ADARB2: variants seen among roughly 807,000 people sequenced by gnomAD.
ADARB2 encodes the protein adenosine deaminase RNA specific B2 (inactive).
ADARB2 carries 25 observed loss-of-function variants against 62.2 expected under a neutral mutation model. That is an observed-to-expected ratio of 0.40 (90% CI 0.29 to 0.56). The LOEUF (loss-of-function observed/expected upper bound fraction) is 0.56, where lower values mean the gene tolerates loss of function less well. Among genes scored for constraint, ADARB2 ranks in the 20% least tolerant of loss-of-function variants. The pLI, the probability that ADARB2 is intolerant of heterozygous loss-of-function variation, is 0.43. For synonymous variants in ADARB2, 572 were observed against 500.8 expected (o/e 1.14, Z -1.90); for missense variants, 1,071 against 1,077.4 (o/e 0.99, Z 0.08).
At chr10:1,197,088 T>C (rs1466015945) in intron 8 of ADARB2, among the ~76,000 whole-genome samples, 1 of 152,264 alleles carries the variant, frequency 6.6e-6, no homozygotes, top group African/African-American at 2.4e-5. Context: ...TACTCCAAAA[T>C]AGACCTCTGT....
At chr10:1,315,711 A>C (rs1225997977) in intron 3 of ADARB2, among the ~76,000 whole-genome samples, 1 of 152,136 alleles carries the variant, frequency 6.6e-6, no homozygotes, top group Non-Finnish European at 1.5e-5. Context: ...CAGCATCTCA[A>C]ATATTTACCA....
At chr10:1,526,491 T>G (rs749260403) in intron 1 of ADARB2, 4 of 160,488 alleles carry the variant, frequency 2.5e-5, no homozygotes, top group Non-Finnish European at 5.5e-5. Context: ...GCTGTCCTCC[T>G]GGTTATGAAT....
intron 8 of ADARB2, among the ~76,000 whole-genome samples, chr10:1,190,933 G>A (rs1452547542): frequency 6.6e-6 from 1 of 152,226 alleles, no homozygotes; most frequent in Non-Finnish European, 1.5e-5. Flanking sequence ...GTCTAAGGAC[G>A]GAGTGAGCAG....
chr10:1,188,405 C>T (rs1469726015), intron 8 of ADARB2, among the ~76,000 whole-genome samples: 2 of 152,192 alleles, frequency 1.3e-5, no homozygotes, highest in Admixed American at 1.3e-4. Flanking sequence ...AGGAACCGAC[C>T]AACAAGCAAA....
chr10:1,280,783 G>A (rs991119399), intron 3 of ADARB2, among the ~76,000 whole-genome samples: 2 of 151,954 alleles, frequency 1.3e-5, no homozygotes, highest in Non-Finnish European at 2.9e-5. Context: ...TGAAATTCCT[G>A]AGTGATGCTC....
At chr10:1,698,648 G>C (rs1318697241) in intron 1 of ADARB2, among the ~76,000 whole-genome samples, 1 of 152,174 alleles carries the variant, frequency 6.6e-6, no homozygotes, top group African/African-American at 2.4e-5. Flanking sequence ...GCACATCTGT[G>C]TGTTGTGTAA....
In ADARB2 at chr10:1,257,379, A is replaced by G. The variant is rs1484929434; in HGVS notation, c.1192+13576T>C. ...GCTCCTCCCTGAGCCACCTGTTGCC[A>G]GGATGGCCCCAAAGCTGAGACTGCT... On this transcript the variant is annotated intron_variant, in intron 4 of 9. Transcript: ENST00000381312. Among the ~76,000 whole-genome samples the G allele has an allele frequency of 2.6e-5, 4 of 152,198 alleles. No individual in the cohort carries two copies. The East Asian group carries it at 7.7e-4, about 29-fold the overall frequency.
intron 1 of ADARB2, among the ~76,000 whole-genome samples, chr10:1,440,855 T>C (rs1488993656): frequency 1.3e-5 from 2 of 152,230 alleles, no homozygotes; most frequent in Non-Finnish European, 2.9e-5. Flanking sequence ...AGGTGAGTTT[T>C]ACAGCCATTT....
At chr10:1,691,565 C>T (rs981337683) in intron 1 of ADARB2, among the ~76,000 whole-genome samples, 1 of 152,210 alleles carries the variant, frequency 6.6e-6, no homozygotes, top group Non-Finnish European at 1.5e-5. Flanking sequence ...ATGCTGACTA[C>T]ATGTTGAAGG....
intron 1 of ADARB2, among the ~76,000 whole-genome samples, chr10:1,430,156 G>C (rs1830765406): frequency 6.6e-6 from 1 of 152,176 alleles, no homozygotes; most frequent in Admixed American, 6.5e-5. Context: ...TACTCGAAGT[G>C]GCAAGGCACT....
chr10:1,209,836 G>T (rs1453939358), intron 7 of ADARB2, among the ~76,000 whole-genome samples: 2 of 152,242 alleles, frequency 1.3e-5, no homozygotes, highest in Non-Finnish European at 2.9e-5. Context: ...CCACACAGAG[G>T]ACGGAGGGGA....
chr10:1,640,140 T>G (rs879589200), intron 1 of ADARB2, among the ~76,000 whole-genome samples: 4 of 152,242 alleles, frequency 2.6e-5, no homozygotes, highest in Non-Finnish European at 5.9e-5. Flanking sequence ...GGTGTTTTTC[T>G]GTTTCTCCCA....
chr10:1,327,327 C>T (rs2131831229), intron 3 of ADARB2, among the ~76,000 whole-genome samples: 1 of 59,236 alleles, frequency 1.7e-5, no homozygotes, highest in Non-Finnish European at 3.6e-5. Flanking sequence ...CCTCACTGCA[C>T]AGCGCCTCCT....
chr10:1,458,919 A>G lies in ADARB2; in HGVS notation c.101-79759T>C, dbSNP rs1831132148. 3.9e-5 allele frequency among the ~76,000 whole-genome samples: 6 copies of G among 152,380 alleles called. No homozygotes were observed. The South Asian group carries it at 1.2e-3, about 32-fold the overall frequency. On this transcript the variant is annotated intron_variant, in intron 1 of 9. Transcript: ENST00000381312. The stretch of plus-strand genomic sequence containing the variant: ...ACTTTTCAAAAGAAGACACTTATGC[A>G]GGCAACAATCATATGAAAAAAAGCT...
At chr10:1,269,120 C>A (rs1237150537) in intron 4 of ADARB2, among the ~76,000 whole-genome samples, 1 of 151,996 alleles carries the variant, frequency 6.6e-6, no homozygotes, top group Admixed American at 6.6e-5. Flanking sequence ...TCTACTCCCT[C>A]CCCCTACCCT....
intron 1 of ADARB2, among the ~76,000 whole-genome samples, chr10:1,581,494 C>A (rs1833098334): frequency 6.6e-6 from 1 of 152,222 alleles, no homozygotes. Context: ...CAGCCTGGCT[C>A]TACTCCTTGT....
At chr10:1,485,973 G>A (rs151045186) in intron 1 of ADARB2, among the ~76,000 whole-genome samples, 2 of 152,308 alleles carry the variant, frequency 1.3e-5, no homozygotes, top group African/African-American at 4.8e-5. Context: ...TGTTTGTGAA[G>A]GCTTGGCAGG....
intron 5 of ADARB2, among the ~76,000 whole-genome samples, chr10:1,240,727 G>T (rs1830911947): frequency 6.6e-6 from 1 of 152,210 alleles, no homozygotes; most frequent in Admixed American, 6.5e-5. Flanking sequence ...CCCCCAGCTG[G>T]TGGCACAGCA....
chr10:1,232,821 T>G lies in ADARB2; in HGVS notation c.1513+873A>C, dbSNP rs369850179. ...TGGTTTGTGTGTAGTGATATGCATG[T>G]GCTATATGTGGTATGTGTGTGGTAT... On this transcript the variant is annotated intron_variant, in intron 6 of 9. Coordinates refer to ENST00000381312, the MANE Select transcript of ADARB2 (RefSeq NM_018702.4). Among the ~76,000 whole-genome samples the G allele has an allele frequency of 2.6e-5, 4 of 151,660 alleles. No homozygotes were observed. The South Asian group carries it at 8.3e-4, about 32-fold the overall frequency.
Sources: allele counts gnomAD v4.1 joint callset (sites outside exome capture counted in the v4.1 genomes callset), GRCh38; gene constraint gnomAD v4.1.1; transcripts MANE v1.5; gene names NCBI Gene and HGNC (gene_info 2026-07-23, HGNC 2026-07-21).